KSR1: variants seen among roughly 807,000 people sequenced by gnomAD.
The protein encoded by KSR1 is kinase suppressor of ras 1.
KSR1 carries 35 observed loss-of-function variants against 92.9 expected under a neutral mutation model. The ratio of observed to expected loss-of-function variants is 0.38; its 90% CI spans 0.29 to 0.50. KSR1 has a LOEUF of 0.50. KSR1 is among the 20% of genes least tolerant of loss of function. KSR1 has a pLI of 0.94. For synonymous variants in KSR1, 467 were observed against 472.6 expected (o/e 0.99, Z 0.15); for missense variants, 972 against 1,158.5 (o/e 0.84, Z 2.34).
chr17:27,592,722 A>G (rs759488529), intron 9 of KSR1, 96 bp downstream of exon 9: 186 of 969,922 alleles, frequency 1.9e-4, no homozygotes, highest in Non-Finnish European at 2.6e-4. Context: ...GAAGTTTGGC[A>G]TGACACCACC....
intron 2 of KSR1, among the ~76,000 whole-genome samples, chr17:27,564,968 C>A (rs748971360): frequency 1.3e-5 from 2 of 152,140 alleles, no homozygotes; most frequent in Non-Finnish European, 2.9e-5. Flanking sequence ...TTATTTCTCT[C>A]ACTATGAAAT....
At chr17:27,487,538 C>G (rs1036159888) in intron 1 of KSR1, among the ~76,000 whole-genome samples, 14 of 151,062 alleles carry the variant, frequency 9.3e-5, no homozygotes, top group Non-Finnish European at 1.5e-4. Flanking sequence ...CACTTGAGGC[C>G]AGGAGTTCGA....
chr17:27,502,495 A>G (rs996420236), intron 1 of KSR1, among the ~76,000 whole-genome samples: 3 of 152,192 alleles, frequency 2.0e-5, no homozygotes, highest in African/African-American at 7.2e-5. Flanking sequence ...TTGCTAATTT[A>G]AAATCGACTC....
At chr17:27,591,220 C>T (rs2073155499) in intron 7 of KSR1, among the ~76,000 whole-genome samples, 1 of 152,124 alleles carries the variant, frequency 6.6e-6, no homozygotes, top group Admixed American at 6.5e-5. Context: ...TTGTAGCCCT[C>T]GAGAGGTGGC....
At chr17:27,610,285 T>C (rs1258874129) in intron 17 of KSR1, 87 bp downstream of exon 17, 30 of 1,570,914 alleles carry the variant, frequency 1.9e-5, no homozygotes, top group Non-Finnish European at 2.3e-5. Context: ...GGCATGCTTT[T>C]AGGTGTTGAA....
chr17:27,526,218 A>G (rs567111829), intron 1 of KSR1, among the ~76,000 whole-genome samples: 1 of 151,794 alleles, frequency 6.6e-6, no homozygotes, highest in Non-Finnish European at 1.5e-5. Flanking sequence ...TTTGCCACTT[A>G]AGGGGTACAA....
chr17:27,615,237 G>C (rs114547543), intron 18 of KSR1, among the ~76,000 whole-genome samples: 2 of 152,222 alleles, frequency 1.3e-5, no homozygotes, highest in African/African-American at 4.8e-5. Flanking sequence ...TGTTAAGGTT[G>C]CCATGATTAA....
At chr17:27,497,257 C>T (rs2069020614) in intron 1 of KSR1, among the ~76,000 whole-genome samples, 1 of 152,224 alleles carries the variant, frequency 6.6e-6, no homozygotes, top group African/African-American at 2.4e-5. Context: ...TACAGAGAAA[C>T]AGAGGCTGAA....
chr17:27,599,332 C>T (rs1354003119), intron 10 of KSR1, among the ~76,000 whole-genome samples: 1 of 152,170 alleles, frequency 6.6e-6, no homozygotes, highest in Non-Finnish European at 1.5e-5. Flanking sequence ...CCGAGGTAGG[C>T]GGATCACTTG....
chr17:27,576,987 A>T (rs2072531843), intron 2 of KSR1, among the ~76,000 whole-genome samples: 1 of 151,390 alleles, frequency 6.6e-6, no homozygotes. Flanking sequence ...GCCAGTGAAA[A>T]GTTTTGATAG....
Position 27,611,614 on chromosome 17 carries a change from G to A in KSR1, c.2478G>A (p.Leu826=). The A allele has an allele frequency of 6.2e-7, 1 of 1,613,830 alleles. No individual in the cohort carries two copies. The highest frequency in any genetic ancestry group is 8.5e-7 in the Non-Finnish European group (1 of 1,179,790). ...GMKRVLTSVS[L]GKEVSEILSA... is the part of the protein sequence containing the mutation. ...AGCGTGTCCTGACTTCTGTCAGCTT[G>A]GGGAAGGAAGTCAGTGTAAGTAGTA... is the stretch of plus-strand genomic sequence containing the variant. Residue 826 remains leucine, a synonymous_variant, in exon 18 of 21, where the codon TTG becomes TTA. Coordinates refer to ENST00000644974, the MANE Select transcript of KSR1 (RefSeq NM_001394583.1).
At chr17:27,517,320 C>A (rs373038713) in intron 1 of KSR1, among the ~76,000 whole-genome samples, 3 of 152,112 alleles carry the variant, frequency 2.0e-5, no homozygotes, top group African/African-American at 4.8e-5. Context: ...AACTCTTTTT[C>A]TTTTTATTTT....
chr17:27,525,991 A>ACTTTT (rs138403263), intron 1 of KSR1, among the ~76,000 whole-genome samples: 1,425 of 71,168 alleles, frequency 0.02, 50 homozygotes, highest in South Asian at 0.044. Flanking sequence ...ACTGCAACTA[A>ACTTTT]CTTTTCTTTT....
chr17:27,595,840 TG>T (rs1306667195), intron 9 of KSR1, among the ~76,000 whole-genome samples: 3 of 152,092 alleles, frequency 2.0e-5, no homozygotes, highest in Admixed American at 1.3e-4. Context: ...GTGCTGTGGC[TG>T]GGGAGCCATG....
chr17:27,601,890 C>T, intron 11 of KSR1: 2 of 1,607,514 alleles, frequency 1.2e-6, no homozygotes, highest in Non-Finnish European at 1.7e-6. Flanking sequence ...CCTTACCACA[C>T]AGTGCCATCT....
intron 1 of KSR1, among the ~76,000 whole-genome samples, chr17:27,481,752 G>A (rs1412075523): frequency 2.6e-5 from 4 of 152,302 alleles, no homozygotes; most frequent in African/African-American, 9.6e-5. Context: ...GGATTTTAGT[G>A]TACCCATTTC....
At chr17:27,600,350 G>C (rs1024268541) in intron 10 of KSR1, among the ~76,000 whole-genome samples, 3 of 152,070 alleles carry the variant, frequency 2.0e-5, no homozygotes, top group African/African-American at 7.2e-5. Flanking sequence ...TGAGGCAGGA[G>C]AATCGCTTGA....
chr17:27,502,179 C>A (rs2069214572), intron 1 of KSR1, among the ~76,000 whole-genome samples: 1 of 152,202 alleles, frequency 6.6e-6, no homozygotes, highest in Non-Finnish European at 1.5e-5. Flanking sequence ...GAATTCCAAG[C>A]CAGGTCTGCT....
intron 1 of KSR1, among the ~76,000 whole-genome samples, chr17:27,470,329 C>T (rs1022864379): frequency 2.0e-5 from 3 of 150,264 alleles, no homozygotes; most frequent in African/African-American, 7.4e-5. Context: ...GCAACCTCTG[C>T]TTCCCGGGTT....
Sources: allele counts gnomAD v4.1 joint callset (sites outside exome capture counted in the v4.1 genomes callset), GRCh38; gene constraint gnomAD v4.1.1; transcripts MANE v1.5; gene names NCBI Gene and HGNC (gene_info 2026-07-23, HGNC 2026-07-21).